Variants in RNF180 observed in about 807,000 individuals in gnomAD.
RNF180 encodes ring finger protein 180, also known as E3 ubiquitin-protein ligase RNF180.
In RNF180, 38 loss-of-function variants were observed where a neutral mutation model predicts 59.2. That is an observed-to-expected ratio of 0.64 (90% confidence interval 0.50 to 0.84). The LOEUF (loss-of-function observed/expected upper bound fraction) is 0.84, where lower values mean the gene tolerates loss of function less well. Ranked by LOEUF, RNF180 falls within the 40% of genes least tolerant of loss-of-function variation. The pLI is 0.00. For missense variants in RNF180, 705 were observed against 700.9 expected (o/e 1.01, Z -0.07); for synonymous variants, 262 against 240.3 (o/e 1.09, Z -0.84).
chr5:64,233,253 G>T (rs1004924632), intron 5 of RNF180, among the ~76,000 whole-genome samples: 2 of 152,104 alleles, frequency 1.3e-5, no homozygotes, highest in African/African-American at 4.8e-5. Context: ...CCCAATCATT[G>T]GTAGCTATAA....
At chr5:64,289,604 C>T (rs1327994725) in intron 5 of RNF180, among the ~76,000 whole-genome samples, 1 of 152,074 alleles carries the variant, frequency 6.6e-6, no homozygotes, top group Non-Finnish European at 1.5e-5. Flanking sequence ...CAGTTTCTTC[C>T]TGGTTCAGTC....
In RNF180 at chr5:64,370,474, T is replaced by C. The variant is rs1215198016; in HGVS notation, c.*660T>C. On this transcript the variant is annotated 3_prime_UTR_variant, in exon 8 of 8. Transcript: ENST00000389100. ...TAGCTAGCTATAAACACTTTCCAGATTGAAGGATTAATCACCAGAAGACAT... is the reference window on the plus strand; with the variant it reads ...TAGCTAGCTATAAACACTTTCCAGACTGAAGGATTAATCACCAGAAGACAT... The C allele has an allele frequency of 6.6e-6, 1 of 151,702 alleles. No homozygotes were observed. The highest frequency in any genetic ancestry group is 2.4e-5 in the African/African-American group (1 of 41,380). 9.4% of individuals were successfully genotyped at this position (151,702 alleles called of 1,614,324 possible).
intron 1 of RNF180, among the ~76,000 whole-genome samples, chr5:64,195,380 A>G (rs1701360108): frequency 6.6e-6 from 1 of 152,232 alleles, no homozygotes; most frequent in African/African-American, 2.4e-5. Flanking sequence ...GTAGTAAGCA[A>G]ATTGTTATTA....
At chr5:64,297,419 A>G (rs1462095594) in intron 5 of RNF180, among the ~76,000 whole-genome samples, 1 of 151,956 alleles carries the variant, frequency 6.6e-6, no homozygotes, top group African/African-American at 2.4e-5. Flanking sequence ...TAAATCCCTC[A>G]AAATTTGGCT....
rs148070977 is a variant in RNF180, at chr5:64,209,208, T to C, written c.136-2857T>C. On this transcript the variant is annotated intron_variant, in intron 2 of 7. Coordinates refer to ENST00000389100, the MANE Select transcript of RNF180 (RefSeq NM_001113561.2). ...GTGAGCACAATATAAATATTTGTTA[T>C]TTAGTGAAAATAAAAAGAATAAGTA... 1.7e-3 allele frequency among the ~76,000 whole-genome samples: 253 copies of C among 152,160 alleles called. 3 individuals carry two copies. The highest frequency in any genetic ancestry group is 1.9e-3 in the Non-Finnish European group (127 of 67,910).
intron 5 of RNF180, among the ~76,000 whole-genome samples, chr5:64,255,886 G>A (rs537767388): frequency 1.6e-3 from 248 of 152,242 alleles, no homozygotes; most frequent in African/African-American, 5.6e-3. Flanking sequence ...TTTAATGATT[G>A]CCATTCAAAC....
Position 64,192,913 on chromosome 5 carries a change from A to ATATATATATATG in RNF180, c.1-7884_1-7883insGTATATATATAT, listed in dbSNP as rs1751247467. 4.0e-4 allele frequency among the ~76,000 whole-genome samples: 36 copies of ATATATATATATG among 89,214 alleles called. No individual in the cohort carries two copies. In the South Asian group the frequency reaches 0.011, roughly 26 times the overall value. 58.5% of individuals were successfully genotyped at this position (89,214 alleles called of 152,430 possible). ...CAGAAAGTGTGGCATGTATATATAT[A>ATATATATATATG]TATATATATATATATATATATATAT... is the stretch of plus-strand genomic sequence containing the variant. On this transcript the variant is annotated intron_variant, in intron 1 of 7. Coordinates refer to ENST00000389100, the MANE Select transcript of RNF180 (RefSeq NM_001113561.2).
intron 7 of RNF180, among the ~76,000 whole-genome samples, chr5:64,345,909 A>G (rs1305534940): frequency 1.3e-5 from 2 of 152,188 alleles, no homozygotes; most frequent in African/African-American, 4.8e-5. Context: ...GTGAAGTACA[A>G]TTATATTGGC....
chr5:64,356,656 A>G (rs190476798), intron 7 of RNF180, among the ~76,000 whole-genome samples: 127 of 152,040 alleles, frequency 8.4e-4, no homozygotes, highest in Non-Finnish European at 1.3e-3. Flanking sequence ...AATAGGTAAA[A>G]AGGAGTAAAA....
intron 7 of RNF180, among the ~76,000 whole-genome samples, chr5:64,357,147 T>C (rs1177615271): frequency 2.0e-5 from 3 of 151,978 alleles, no homozygotes; most frequent in African/African-American, 4.8e-5. Context: ...TTTTAACTTA[T>C]TCAATATAAA....
In RNF180 at chr5:64,354,782, A is replaced by G. The variant is rs527266440; in HGVS notation, c.1580-14833A>G. ...TCTAGGAATGCAGGAATAGTTCAACATAAAAAAAATCTATGTAATTTACCA... is the reference window on the plus strand; with the variant it reads ...TCTAGGAATGCAGGAATAGTTCAACGTAAAAAAAATCTATGTAATTTACCA... On this transcript the variant is annotated intron_variant, in intron 7 of 7. Transcript: ENST00000389100. 4.9e-4 allele frequency among the ~76,000 whole-genome samples: 75 copies of G among 151,552 alleles called. 1 individual carries two copies. Among genetic ancestry groups the G allele is most frequent in the African/African-American group, 1.8e-3 (75 of 41,136 alleles).
At chr5:64,362,700 C>T (rs1746305554) in intron 7 of RNF180, among the ~76,000 whole-genome samples, 1 of 151,900 alleles carries the variant, frequency 6.6e-6, no homozygotes, top group South Asian at 2.1e-4. Flanking sequence ...ATTTACACTC[C>T]CATCAACAGT....
At chr5:64,182,864 C>A (rs1208628711) in intron 1 of RNF180, among the ~76,000 whole-genome samples, 1 of 152,112 alleles carries the variant, frequency 6.6e-6, no homozygotes, top group African/African-American at 2.4e-5. Context: ...ATGTATTGGA[C>A]CCTGTTTTAT....
At chr5:64,265,641 A>C (rs1433560842) in intron 5 of RNF180, among the ~76,000 whole-genome samples, 2 of 152,124 alleles carry the variant, frequency 1.3e-5, no homozygotes, top group African/African-American at 4.8e-5. Context: ...CTTGTAGTAT[A>C]GTTTGAAGTC....
At chr5:64,254,019 T>C (rs1743767008) in intron 5 of RNF180, among the ~76,000 whole-genome samples, 3 of 152,160 alleles carry the variant, frequency 2.0e-5, no homozygotes, top group Non-Finnish European at 2.9e-5. Context: ...ACTTCACATA[T>C]ATGTAATGAT....
chr5:64,180,329 T>C lies in RNF180; in HGVS notation c.-1+14376T>C, dbSNP rs1750503206. 2.0e-5 allele frequency among the ~76,000 whole-genome samples: 3 copies of C among 152,192 alleles called. 1 individual carries two copies. The South Asian group carries it at 6.2e-4, about 32-fold the overall frequency. ...TCTGTAATATCTTACTTTCAAAATT[T>C]GTTTGTAGATAAGGCAGGGTATAAA... On this transcript the variant is annotated intron_variant, in intron 1 of 7. Transcript: ENST00000389100.
chr5:64,359,485 TG>T (rs1254659809), intron 7 of RNF180, among the ~76,000 whole-genome samples: 2 of 152,048 alleles, frequency 1.3e-5, no homozygotes, highest in Admixed American at 1.3e-4. Flanking sequence ...TGGGGTTGTT[TG>T]TTTTTTTCTT....
intron 2 of RNF180, among the ~76,000 whole-genome samples, chr5:64,205,020 C>T (rs1751943214): frequency 6.6e-6 from 1 of 152,124 alleles, no homozygotes; most frequent in African/African-American, 2.4e-5. Context: ...CCTTCTTTAG[C>T]CCTGACCATT....
chr5:64,256,535 G>T (rs575557740), intron 5 of RNF180, among the ~76,000 whole-genome samples: 2 of 152,140 alleles, frequency 1.3e-5, no homozygotes, highest in African/African-American at 4.8e-5. Context: ...TATTTCTGAG[G>T]GCTCTGTTCT....
Sources: gnomAD v4.1 joint callset for allele counts (sites outside exome capture counted in the v4.1 genomes callset) on GRCh38, gnomAD v4.1.1 for gene constraint, MANE v1.5 for transcripts, NCBI Gene and HGNC (gene_info 2026-07-23, HGNC 2026-07-21) for gene names.